GRB10: variants seen among roughly 807,000 people sequenced by gnomAD.
The protein encoded by GRB10 is growth factor receptor bound protein 10.
GRB10 carries 20 observed loss-of-function variants against 80.9 expected under a neutral mutation model. The observed-to-expected ratio is 0.25, with a 90% CI of 0.17 to 0.36. GRB10 has a LOEUF of 0.36. Among genes scored for constraint, GRB10 ranks in the 10% least tolerant of loss-of-function variants. The pLI is 1.00. For synonymous variants in GRB10, 291 were observed against 291.5 expected, an observed-to-expected ratio of 1.00 and a Z score of 0.02; for missense variants, 548 against 747.7, an observed-to-expected ratio of 0.73 and a Z score of 3.12.
At chr7:50,687,125 G>A (rs1459263402) in intron 5 of GRB10, among the ~76,000 whole-genome samples, 1 of 152,172 alleles carries the variant, frequency 6.6e-6, no homozygotes, top group Non-Finnish European at 1.5e-5. Flanking sequence ...GCCAGGCAGA[G>A]CTCCCAAACT....
rs1305513693 is a variant in GRB10, at chr7:50,775,174, C to CAAAA, written c.-217+5449_-217+5452dup. On this transcript the variant is annotated intron_variant, in intron 2 of 18. Transcript: ENST00000401949. ...AGATCCTGTCTCCAAAAAAAAAAAA[C>CAAAA]AAAAAAAAACAGTGGAACAGACAAA... Among the ~76,000 whole-genome samples, 4 of 71,452 alleles carry CAAAA rather than the reference C, an allele frequency of 5.6e-5. 1 individual carries two copies. The highest frequency in any genetic ancestry group is 1.1e-4 in the Non-Finnish European group (4 of 36,568). The allele number at this position is 71,452 out of a possible 152,430, so 46.9% of individuals were successfully genotyped here. A position where few individuals can be genotyped will look rare whatever the true frequency, so the allele number is the denominator to read the frequency against.
intron 4 of GRB10, among the ~76,000 whole-genome samples, chr7:50,711,566 A>G (rs529030795): frequency 5.3e-5 from 8 of 152,322 alleles, no homozygotes; most frequent in Non-Finnish European, 1.0e-4. Context: ...CTATTAAGCT[A>G]TTGCAGCCGA....
At position 50,684,267 on chromosome 7, in the gene GRB10, C is replaced by CAAAA. The variant is rs386410128; in HGVS notation, c.140-9613_140-9610dup. On this transcript the variant is annotated intron_variant, in intron 5 of 18. Coordinates refer to ENST00000401949, the MANE Select transcript of GRB10 (RefSeq NM_001350814.2). ...CAGACAACTGCAACTCAATCATCAC[C>CAAAA]AAAAAAAAAAAAAAAAAAAAAGGTA... 3.6e-3 allele frequency among the ~76,000 whole-genome samples: 223 copies of CAAAA among 62,086 alleles called. 3 individuals are homozygous for CAAAA. Among genetic ancestry groups the CAAAA allele is most frequent in the African/African-American group, 0.014 (197 of 14,016 alleles). The allele number at this position is 62,086 out of a possible 152,430, so 40.7% of individuals were successfully genotyped here. A position where few individuals can be genotyped will look rare whatever the true frequency, so the allele number is the denominator to read the frequency against.
chr7:50,734,327 C>G (rs2153693641), intron 3 of GRB10, among the ~76,000 whole-genome samples: 1 of 152,314 alleles, frequency 6.6e-6, no homozygotes, highest in South Asian at 2.1e-4. Context: ...TTTCTGCCTT[C>G]TCCCCTAACT....
At chr7:50,724,992 C>G (rs1316940650) in intron 4 of GRB10, among the ~76,000 whole-genome samples, 1 of 152,192 alleles carries the variant, frequency 6.6e-6, no homozygotes, top group Non-Finnish European at 1.5e-5. Context: ...GCGCTTGATA[C>G]TGCCATCTCT....
intron 7 of GRB10, among the ~76,000 whole-genome samples, chr7:50,644,151 T>A (rs911114588): frequency 6.6e-6 from 1 of 152,194 alleles, no homozygotes; most frequent in African/African-American, 2.4e-5. Context: ...CGGATATTTA[T>A]GTCCAAAACA....
At chr7:50,714,207 C>G (rs924052520) in intron 4 of GRB10, among the ~76,000 whole-genome samples, 4 of 152,152 alleles carry the variant, frequency 2.6e-5, no homozygotes, top group Non-Finnish European at 5.9e-5. Flanking sequence ...TGTAGCAGTA[C>G]CTTAATCGAT....
At chr7:50,688,860 C>T (rs1049039811) in intron 5 of GRB10, among the ~76,000 whole-genome samples, 4 of 152,098 alleles carry the variant, frequency 2.6e-5, no homozygotes, top group African/African-American at 9.7e-5. Context: ...AGCACATGAA[C>T]AGGGAAAGAT....
chr7:50,656,405 A>C (rs1158886422), intron 7 of GRB10, among the ~76,000 whole-genome samples: 1 of 152,154 alleles, frequency 6.6e-6, no homozygotes, highest in African/African-American at 2.4e-5. Context: ...CATGCTGGAG[A>C]TCTCTAAGCT....
At chr7:50,726,253 C>G (rs1048576626) in intron 4 of GRB10, among the ~76,000 whole-genome samples, 2 of 152,022 alleles carry the variant, frequency 1.3e-5, no homozygotes, top group East Asian at 1.9e-4. Flanking sequence ...CAAAAATTAG[C>G]CAGGTGTGAT....
rs958235989 is a variant in GRB10, at chr7:50,597,273, C to T, written c.1545-1743G>A. 3.3e-5 allele frequency among the ~76,000 whole-genome samples: 5 copies of T among 152,228 alleles called. No homozygotes were observed. In the East Asian group the frequency reaches 9.6e-4, roughly 29 times the overall value. On this transcript the variant is annotated intron_variant, in intron 17 of 18. Transcript: ENST00000401949. The stretch of plus-strand genomic sequence containing the variant: ...GCTTCAGGATATACTTTGGGAAACA[C>T]CGATCAGAATGGGATTCCATGGTTT...
At chr7:50,733,098 G>A (rs1563642899) in intron 3 of GRB10, among the ~76,000 whole-genome samples, 3 of 152,136 alleles carry the variant, frequency 2.0e-5, no homozygotes, top group Admixed American at 2.0e-4. Context: ...ACGTCACTAA[G>A]TTAAAATGAG....
chr7:50,660,506 G>A (rs1010352732), intron 7 of GRB10, among the ~76,000 whole-genome samples: 15 of 152,140 alleles, frequency 9.9e-5, no homozygotes, highest in African/African-American at 3.1e-4. Flanking sequence ...GACAGAGCAG[G>A]AAATGGAAGT....
chr7:50,686,508 AG>A (rs2062120138), intron 5 of GRB10, among the ~76,000 whole-genome samples: 1 of 152,242 alleles, frequency 6.6e-6, no homozygotes, highest in Admixed American at 6.5e-5. Context: ...ACAATGCTCC[AG>A]GGAGAGGGGA....
At chr7:50,781,144 C>T (rs933079894) in intron 1 of GRB10, 8 of 152,308 alleles carry the variant, frequency 5.3e-5, no homozygotes, top group African/African-American at 1.9e-4. Context: ...AAGATAGTAA[C>T]TATTATCCCT....
rs1239315531 is a variant in GRB10 at position 50,782,604 on chromosome 7, C to T, written c.-507G>A. The T allele has an allele frequency of 2.6e-5, 4 of 151,326 alleles. No individual in the cohort carries two copies. Among genetic ancestry groups the T allele is most frequent in the African/African-American group, 9.7e-5 (4 of 41,358 alleles). The allele number at this position is 151,326 out of a possible 1,614,324, so 9.4% of individuals were successfully genotyped here. A position where few individuals can be genotyped will look rare whatever the true frequency, so the allele number is the denominator to read the frequency against. On this transcript the variant is annotated 5_prime_UTR_variant, in exon 1 of 19. Coordinates refer to ENST00000401949, the MANE Select transcript of GRB10 (RefSeq NM_001350814.2). This position sits in a 1 kb window ranked among gnomAD's most constrained non-coding sequence, Gnocchi z 6.6. ...CTCCGCCCCGGCCAGGGGCCTGCGGCGCAGAAAACCGACCCGGGGCCTCGG... is the reference window on the plus strand; with the variant it reads ...CTCCGCCCCGGCCAGGGGCCTGCGGTGCAGAAAACCGACCCGGGGCCTCGG...
chr7:50,622,046 C>T (rs996499717), intron 8 of GRB10, among the ~76,000 whole-genome samples: 5 of 152,224 alleles, frequency 3.3e-5, no homozygotes, highest in Non-Finnish European at 7.3e-5. Flanking sequence ...CATCGAGCTG[C>T]AGCCCTTGGG....
At chr7:50,606,573 C>T in intron 13 of GRB10, 159 bp from the exon 14 acceptor site, 1 of 685,578 alleles carries the variant, frequency 1.5e-6, no homozygotes, top group African/African-American at 1.8e-5. Flanking sequence ...CTGATCAACA[C>T]AGGGATTAGG....
chr7:50,687,879 C>A (rs964813398), intron 5 of GRB10, among the ~76,000 whole-genome samples: 1 of 152,250 alleles, frequency 6.6e-6, no homozygotes, highest in African/African-American at 2.4e-5. Flanking sequence ...TTACTGCTCA[C>A]ATCTCCAAGA....
Sources: allele counts gnomAD v4.1 joint callset (sites outside exome capture counted in the v4.1 genomes callset), GRCh38; gene constraint gnomAD v4.1.1; non-coding constraint Gnocchi (gnomAD v3.1); transcripts MANE v1.5; gene names NCBI Gene and HGNC (gene_info 2026-07-23, HGNC 2026-07-21).